The following TNIK variants were observed in gnomAD, a reference collection of about 807,000 sequenced individuals.
TNIK encodes TRAF2 and NCK interacting kinase, also known as TRAF2 and NCK-interacting protein kinase.
TNIK carries 49 observed loss-of-function variants against 191.3 expected under a neutral mutation model. That is an observed-to-expected ratio of 0.26 (90% CI 0.20 to 0.32). TNIK has a LOEUF of 0.32. Ranked by LOEUF, TNIK falls within the 10% of genes least tolerant of loss-of-function variation. The probability of loss-of-function intolerance (pLI) is 1.00; values close to 1 mark genes in which losing one functional copy is unlikely to be tolerated. For synonymous variants in TNIK, 594 were observed against 600.9 expected (o/e 0.99, Z 0.17); for missense variants, 1,155 against 1,702.3 (o/e 0.68, Z 5.66).
intron 2 of TNIK, among the ~76,000 whole-genome samples, chr3:171,331,575 G>C (rs1005177417): frequency 1.4e-4 from 22 of 152,270 alleles, no homozygotes; most frequent in African/African-American, 3.9e-4. Flanking sequence ...AGCTCAAGGA[G>C]GAAAGATGAA....
Position 171,063,789 on chromosome 3 carries a change from G to C in TNIK, c.*92C>G, listed in dbSNP as rs1718083002. 1 of 1,317,874 alleles carries C rather than the reference G, an allele frequency of 7.6e-7. No individual in the cohort carries two copies. Among genetic ancestry groups the C allele is most frequent in the East Asian group, 2.4e-5 (1 of 41,580 alleles). 81.6% of individuals were successfully genotyped at this position (1,317,874 alleles called of 1,614,324 possible). A position where few individuals can be genotyped will look rare whatever the true frequency, so the allele number is the denominator to read the frequency against. The stretch of plus-strand genomic sequence containing the variant: ...AGCGATATGTTCAACCAAGCCTTCT[G>C]ATTCTGCCTCTAGACTGGCATAAGT... On this transcript the variant is annotated 3_prime_UTR_variant, in exon 33 of 33. Coordinates refer to ENST00000436636, the MANE Select transcript of TNIK (RefSeq NM_015028.4).
intron 2 of TNIK, among the ~76,000 whole-genome samples, chr3:171,254,662 A>G (rs1746627214): frequency 6.6e-6 from 1 of 152,198 alleles, no homozygotes; most frequent in African/African-American, 2.4e-5. Flanking sequence ...CCAACTACTA[A>G]TACAGATACA....
chr3:171,183,731 G>A (rs934785024), intron 7 of TNIK, among the ~76,000 whole-genome samples: 14 of 152,008 alleles, frequency 9.2e-5, no homozygotes, highest in African/African-American at 3.1e-4. Context: ...GACCAGCCTG[G>A]CCAACACAGT....
intron 7 of TNIK, among the ~76,000 whole-genome samples, chr3:171,188,258 C>G (rs1737616600): frequency 6.6e-6 from 1 of 152,060 alleles, no homozygotes; most frequent in South Asian, 2.1e-4. Flanking sequence ...AAAAGAAACC[C>G]CAGATAATTA....
At chr3:171,110,444 T>G (rs1725676335) in intron 19 of TNIK, among the ~76,000 whole-genome samples, 3 of 152,170 alleles carry the variant, frequency 2.0e-5, no homozygotes, top group Non-Finnish European at 4.4e-5. Context: ...AGTGACTGTA[T>G]TTTCAAATAA....
At chr3:171,107,034 C>T in intron 21 of TNIK, 149 bp downstream of exon 21, 1 of 768,088 alleles carries the variant, frequency 1.3e-6, no homozygotes, top group Non-Finnish European at 2.1e-6. Context: ...AGTTGGCTTC[C>T]ATTTGAAGGG....
intron 15 of TNIK, among the ~76,000 whole-genome samples, chr3:171,132,446 G>T (rs897267792): frequency 6.6e-6 from 1 of 152,162 alleles, no homozygotes; most frequent in Non-Finnish European, 1.5e-5. Flanking sequence ...CTCTAGACAG[G>T]TCTGTGTTAT....
intron 1 of TNIK, among the ~76,000 whole-genome samples, chr3:171,430,906 T>C (rs1247437988): frequency 6.6e-6 from 1 of 152,046 alleles, no homozygotes; most frequent in East Asian, 1.9e-4. Context: ...AAATAAAAAT[T>C]CCTGCCAAGA....
intron 2 of TNIK, among the ~76,000 whole-genome samples, chr3:171,281,923 C>T (rs1750472745): frequency 6.6e-6 from 1 of 152,154 alleles, no homozygotes; most frequent in Admixed American, 6.5e-5. Flanking sequence ...AAGCAGAGAA[C>T]CCAGTTGAGC....
chr3:171,448,751 T>C (rs1284643221), intron 1 of TNIK, among the ~76,000 whole-genome samples: 1 of 152,154 alleles, frequency 6.6e-6, no homozygotes, highest in Non-Finnish European at 1.5e-5. Context: ...TCCAATATTC[T>C]GTCTACTTAT....
chr3:171,289,022 A>G (rs1244769014), intron 2 of TNIK, among the ~76,000 whole-genome samples: 1 of 152,212 alleles, frequency 6.6e-6, no homozygotes, highest in East Asian at 1.9e-4. Context: ...CAACTGATCC[A>G]ATAATTTAAA....
intron 22 of TNIK, among the ~76,000 whole-genome samples, chr3:171,101,169 A>C (rs965622827): frequency 1.3e-5 from 2 of 152,142 alleles, no homozygotes; most frequent in Non-Finnish European, 2.9e-5. Context: ...TTTGCCCTTA[A>C]GATGAAAAGA....
At chr3:171,426,522 T>G (rs1378843657) in intron 1 of TNIK, among the ~76,000 whole-genome samples, 1 of 152,056 alleles carries the variant, frequency 6.6e-6, no homozygotes, top group Non-Finnish European at 1.5e-5. Flanking sequence ...ACCTGCACGT[T>G]GTGCACATGT....
chr3:171,426,681 T>C (rs1034518605), intron 1 of TNIK, among the ~76,000 whole-genome samples: 1 of 151,998 alleles, frequency 6.6e-6, no homozygotes, highest in Admixed American at 6.6e-5. Context: ...CTCTCCAGAG[T>C]CTCCAGGGCT....
chr3:171,222,312 G>A (rs151249957), intron 3 of TNIK, among the ~76,000 whole-genome samples: 1,610 of 152,082 alleles, frequency 0.011, 26 homozygotes, highest in African/African-American at 0.037. Flanking sequence ...AAGTTTCTTG[G>A]GCTCTCTGCT....
At chr3:171,217,871 TG>T (rs1222724824) in intron 3 of TNIK, among the ~76,000 whole-genome samples, 2 of 152,134 alleles carry the variant, frequency 1.3e-5, no homozygotes, top group Non-Finnish European at 2.9e-5. Context: ...GTAGTGTGAT[TG>T]GGATAGAAAC....
chr3:171,419,264 A>T (rs1307881039), intron 1 of TNIK, among the ~76,000 whole-genome samples: 10 of 152,208 alleles, frequency 6.6e-5, no homozygotes, highest in Admixed American at 6.5e-4. Flanking sequence ...AGCACCACAT[A>T]TTGTATAAAT....
chr3:171,072,945 C>T (rs1719394811), intron 28 of TNIK, among the ~76,000 whole-genome samples: 2 of 152,024 alleles, frequency 1.3e-5, no homozygotes, highest in African/African-American at 4.8e-5. Flanking sequence ...GGAAAAACAT[C>T]CCGTGCTCAT....
At chr3:171,288,321 A>T (rs6444977) in intron 2 of TNIK, among the ~76,000 whole-genome samples, 25,270 of 138,138 alleles carry the variant, frequency 0.18, 2,171 homozygotes, top group African/African-American at 0.22. Flanking sequence ...AGTATAATTT[A>T]AAAAAAAAAA....
Sources: allele counts gnomAD v4.1 joint callset (sites outside exome capture counted in the v4.1 genomes callset), GRCh38; gene constraint gnomAD v4.1.1; transcripts MANE v1.5; gene names NCBI Gene and HGNC (gene_info 2026-07-23, HGNC 2026-07-21).